DENND4A: variants seen among roughly 807,000 people sequenced by gnomAD.
The protein encoded by DENND4A is C-myc promoter-binding protein.
DENND4A carries 70 observed loss-of-function variants against 199.3 expected under a neutral mutation model. The ratio of observed to expected loss-of-function variants is 0.35; its 90% CI spans 0.29 to 0.43. The LOEUF (loss-of-function observed/expected upper bound fraction) is 0.43. Ranked by LOEUF, DENND4A falls within the 20% of genes least tolerant of loss-of-function variation. DENND4A has a pLI of 1.00. For missense variants in DENND4A, 1,723 were observed against 2,255.8 expected, an observed-to-expected ratio of 0.76 and a Z score of 4.78; for synonymous variants, 686 against 766.9, an observed-to-expected ratio of 0.89 and a Z score of 1.74.
chr15:65,733,024 A>G (rs1844694347), intron 7 of DENND4A, among the ~76,000 whole-genome samples: 6 of 152,204 alleles, frequency 3.9e-5, no homozygotes, highest in Admixed American at 3.9e-4. Context: ...TTTCACATTA[A>G]TAGGCATTCA....
rs370991924 is a variant in DENND4A at position 65,718,113 on chromosome 15, A to ATAAC, written c.1589-121_1589-118dup. 723 of 737,318 alleles carry ATAAC rather than the reference A, an allele frequency of 9.8e-4. 3 individuals are homozygous for ATAAC. In the African/African-American group the frequency reaches 0.012, roughly 12 times the overall value. The allele number at this position is 737,318 out of a possible 1,614,324, so 45.7% of individuals were successfully genotyped here. A position where few individuals can be genotyped will look rare whatever the true frequency, so the allele number is the denominator to read the frequency against. ...CAAGCTACCTCAACTCTTTGTTTAC[A>ATAAC]TAACTTAATCATACGTAAACCTTAG... is the stretch of plus-strand genomic sequence containing the variant. On this transcript the variant is annotated intron_variant, in intron 12 of 32. Transcript: ENST00000443035.
At chr15:65,681,074 T>C (rs1409145029) in intron 23 of DENND4A, 2 of 152,232 alleles carry the variant, frequency 1.3e-5, no homozygotes, top group Non-Finnish European at 2.9e-5. Context: ...CATGTGATGC[T>C]GTCTGACAAC....
At chr15:65,789,703 T>G (rs1482262703) in intron 1 of DENND4A, among the ~76,000 whole-genome samples, 2 of 152,184 alleles carry the variant, frequency 1.3e-5, no homozygotes, top group Admixed American at 1.3e-4. Flanking sequence ...TAAGTAGGAA[T>G]AGCACAAGGT....
At chr15:65,727,452 C>CAAAA (rs35066518) in intron 11 of DENND4A, among the ~76,000 whole-genome samples, 1 of 68,772 alleles carries the variant, frequency 1.5e-5, no homozygotes, top group Non-Finnish European at 2.9e-5. Context: ...GACTCCGTCT[C>CAAAA]AAAAAAAAAA....
chr15:65,769,131 T>C (rs1394813985), intron 1 of DENND4A, among the ~76,000 whole-genome samples: 1 of 152,010 alleles, frequency 6.6e-6, no homozygotes, highest in Non-Finnish European at 1.5e-5. Flanking sequence ...TTATGAGTTT[T>C]CATGCATATA....
rs78163398 is a variant in DENND4A at position 65,777,205 on chromosome 15, T to A, written c.-102+14805A>T. Among the ~76,000 whole-genome samples, 587 of 152,074 alleles carry A rather than the reference T, an allele frequency of 3.9e-3. 5 individuals carry two copies. Among genetic ancestry groups the A allele is most frequent in the South Asian group, 0.033 (159 of 4,804 alleles). ...GAAAAAAAGAAAATAGCTGCCTGGG[T>A]TATAAATTTCCAGTTCCTGGTTTCC... is the stretch of plus-strand genomic sequence containing the variant. On this transcript the variant is annotated intron_variant, in intron 1 of 32. Transcript: ENST00000443035.
chr15:65,696,272 CTT>C (rs2077141175), intron 22 of DENND4A, 92 bp downstream of exon 22: 1 of 1,444,264 alleles, frequency 6.9e-7, no homozygotes, highest in African/African-American at 1.4e-5. Flanking sequence ...TTAAAATCAC[CTT>C]GGAGAATTAA....
chr15:65,685,169 T>C (rs1006431317), intron 23 of DENND4A, among the ~76,000 whole-genome samples: 1 of 147,682 alleles, frequency 6.8e-6, no homozygotes, highest in African/African-American at 2.5e-5. Context: ...CTCTGTCGCC[T>C]AGGCCAGAGT....
rs539041119 is a variant in DENND4A at position 65,722,217 on chromosome 15, T to G, written c.1588+631A>C. 1.5e-3 allele frequency among the ~76,000 whole-genome samples: 234 copies of G among 152,296 alleles called. 2 individuals carry two copies. The highest frequency in any genetic ancestry group is 3.4e-3 in the Middle Eastern group (1 of 294). On this transcript the variant is annotated intron_variant, in intron 12 of 32. Coordinates refer to ENST00000443035, the MANE Select transcript of DENND4A (RefSeq NM_001320835.1). ...AAAAAAATAGGCCAGGCATGGTGGCTCATGCCCGTAATCCCAGCACTTTGA... is the reference window on the plus strand; with the variant it reads ...AAAAAAATAGGCCAGGCATGGTGGCGCATGCCCGTAATCCCAGCACTTTGA...
chr15:65,775,759 T>C (rs550473255), intron 1 of DENND4A, among the ~76,000 whole-genome samples: 130 of 152,036 alleles, frequency 8.6e-4, no homozygotes, highest in African/African-American at 3.1e-3. Flanking sequence ...ATTTGAGTAT[T>C]CTACAATGTA....
intron 11 of DENND4A, among the ~76,000 whole-genome samples, chr15:65,728,577 G>A (rs940383989): frequency 8.0e-5 from 12 of 150,686 alleles, no homozygotes; most frequent in Admixed American, 6.6e-4. Context: ...TCCACCTCCC[G>A]GGTTGAAGCA....
intron 1 of DENND4A, among the ~76,000 whole-genome samples, chr15:65,775,093 G>A (rs1289944427): frequency 2.6e-5 from 4 of 152,026 alleles, no homozygotes; most frequent in African/African-American, 4.8e-5. Flanking sequence ...TCCACTGCAT[G>A]AAGGTCCAGG....
At chr15:65,697,928 T>C (rs944888655) in intron 20 of DENND4A, among the ~76,000 whole-genome samples, 2 of 152,134 alleles carry the variant, frequency 1.3e-5, no homozygotes, top group Non-Finnish European at 2.9e-5. Flanking sequence ...GGGAATGAGA[T>C]AAAAATCTAG....
chr15:65,718,027 C>T, intron 12 of DENND4A, 31 bp from the exon 13 acceptor site: 1 of 1,485,652 alleles, frequency 6.7e-7, no homozygotes, highest in Non-Finnish European at 9.1e-7. Flanking sequence ...AGTGTTTTCT[C>T]CAAACTCACA....
At chr15:65,782,310 A>T (rs1383770569) in intron 1 of DENND4A, among the ~76,000 whole-genome samples, 2 of 152,108 alleles carry the variant, frequency 1.3e-5, no homozygotes, top group African/African-American at 4.8e-5. Context: ...TCAGCTCTTC[A>T]CATTTCTGGC....
chr15:65,729,359 A>T, intron 10 of DENND4A, 112 bp from the exon 11 acceptor site: 1 of 1,374,640 alleles, frequency 7.3e-7, no homozygotes, highest in Non-Finnish European at 1.0e-6. Flanking sequence ...AATGCCTGAT[A>T]ATGAATGAAA....
chr15:65,776,175 C>T (rs935933225), intron 1 of DENND4A, among the ~76,000 whole-genome samples: 2 of 152,100 alleles, frequency 1.3e-5, no homozygotes, highest in Non-Finnish European at 2.9e-5. Context: ...ATGTTACACC[C>T]CCATTTCTGT....
Position 65,661,044 on chromosome 15 carries a change from C to A in DENND4A, c.*807G>T, listed in dbSNP as rs1324921932. 1 of 152,042 alleles carries A rather than the reference C, an allele frequency of 6.6e-6. No individual in the cohort carries two copies. Among genetic ancestry groups the A allele is most frequent in the African/African-American group, 2.4e-5 (1 of 41,390 alleles). The allele number at this position is 152,042 out of a possible 1,614,324, so 9.4% of individuals were successfully genotyped here. ...CCTGTATACTATACGTATCTATTAG[C>A]AATAGAGACAATTTTGGAGTCATGG... On this transcript the variant is annotated 3_prime_UTR_variant, in exon 33 of 33. Transcript: ENST00000443035.
At position 65,698,126 on chromosome 15, in the gene DENND4A, G is replaced by A. The variant is rs116229500; in HGVS notation, c.2834-743C>T. Reference sequence around the variant, plus strand: ...ATAAAAAAAATTAGCCAGGAATGGTGGCATGCACCTATAGACACTTCTTGG... The same window carrying A: ...ATAAAAAAAATTAGCCAGGAATGGTAGCATGCACCTATAGACACTTCTTGG... On this transcript the variant is annotated intron_variant, in intron 20 of 32. Transcript: ENST00000443035. 2.9e-3 allele frequency among the ~76,000 whole-genome samples: 439 copies of A among 152,112 alleles called. 3 individuals carry two copies. Among genetic ancestry groups the A allele is most frequent in the African/African-American group, 0.01 (418 of 41,510 alleles).
Sources: gnomAD v4.1 joint callset for allele counts (sites outside exome capture counted in the v4.1 genomes callset) on GRCh38, gnomAD v4.1.1 for gene constraint, MANE v1.5 for transcripts, NCBI Gene and HGNC (gene_info 2026-07-23, HGNC 2026-07-21) for gene names.